Variants in CAMK1 observed in about 807,000 individuals in gnomAD.
CAMK1 encodes the protein calcium/calmodulin dependent protein kinase I.
A neutral mutation model predicts 49.1 loss-of-function variants in CAMK1; 39 were observed. The ratio of observed to expected loss-of-function variants is 0.79; its 90% confidence interval spans 0.62 to 1.04. The LOEUF is 1.04. Ranked by LOEUF, CAMK1 falls within the 50% of genes least tolerant of loss-of-function variation. The pLI is 0.00. For synonymous variants in CAMK1, 192 were observed against 185.2 expected, an observed-to-expected ratio of 1.04 and a Z score of -0.30; for missense variants, 457 against 472.2, an observed-to-expected ratio of 0.97 and a Z score of 0.30.
At chr3:9,766,222 GA>G in intron 2 of CAMK1, 1 of 728,086 alleles carries the variant, frequency 1.4e-6, no homozygotes, top group Non-Finnish European at 2.5e-6. Context: ...GCCTGCTTGG[GA>G]ATGAAATTAA....
chr3:9,757,526 GA>G lies in CAMK1; in HGVS notation c.*12del, dbSNP rs1205019761. The G allele has an allele frequency of 6.2e-7, 1 of 1,609,730 alleles. No individual in the cohort carries two copies. The highest frequency in any genetic ancestry group is 8.5e-7 in the Non-Finnish European group (1 of 1,176,716). ...CCTCCCACGCAGAGGATCATGACCC[GA>G]GGTCCAGGGCCCTAGAGCTGGTGGG... On this transcript the variant is annotated 3_prime_UTR_variant, in exon 12 of 12. Transcript: ENST00000256460. This position sits in a 1 kb window ranked among gnomAD's most constrained non-coding sequence, Gnocchi z 4.5.
intron 2 of CAMK1, among the ~76,000 whole-genome samples, 196 bp downstream of exon 2, chr3:9,767,471 A>G (rs2078185991): frequency 6.6e-6 from 1 of 152,230 alleles, no homozygotes; most frequent in Non-Finnish European, 1.5e-5. Flanking sequence ...TCAAGAACCC[A>G]GGGCTATTGG....
intron 3 of CAMK1, among the ~76,000 whole-genome samples, chr3:9,764,737 A>T (rs867745653): frequency 2.1e-5 from 3 of 146,148 alleles, no homozygotes; most frequent in African/African-American, 7.6e-5. Flanking sequence ...GGTTTAAGCA[A>T]TTCTCCTGCC....
Position 9,761,123 on chromosome 3 carries a change from T to A in CAMK1, c.632+338A>T, listed in dbSNP as rs1395049188. The stretch of plus-strand genomic sequence containing the variant: ...CATCACCCCGTCTCCCTATTCCTGC[T>A]TGGTTTTTCTCCACAGTATTTATTT... On this transcript the variant is annotated intron_variant, in intron 7 of 11. Transcript: ENST00000256460. 4 of 335,454 alleles carry A rather than the reference T, an allele frequency of 1.2e-5. No individual in the cohort carries two copies. The South Asian group carries it at 1.6e-4, about 14-fold the overall frequency. The allele number at this position is 335,454 out of a possible 1,614,324, so 20.8% of individuals were successfully genotyped here. A position where few individuals can be genotyped will look rare whatever the true frequency, so the allele number is the denominator to read the frequency against.
chr3:9,759,448 C>G, intron 10 of CAMK1, 40 bp downstream of exon 10: 1 of 1,613,720 alleles, frequency 6.2e-7, no homozygotes, highest in Non-Finnish European at 8.5e-7. Context: ...GGGGAGGAGT[C>G]CTGGGGAGGC....
At chr3:9,760,444 C>G (rs1475363456) in intron 8 of CAMK1, 1 of 515,062 alleles carries the variant, frequency 1.9e-6, no homozygotes, top group Non-Finnish European at 3.5e-6. Context: ...GAAGATTGAA[C>G]AAATGAATGC....
At chr3:9,764,188 C>G (rs2078027651) in intron 3 of CAMK1, among the ~76,000 whole-genome samples, 1 of 152,182 alleles carries the variant, frequency 6.6e-6, no homozygotes, top group South Asian at 2.1e-4. Context: ...GTAGTACTTC[C>G]CTCAAAGAGT....
At chr3:9,758,046 T>G (rs890750127) in intron 10 of CAMK1, 200 bp from the exon 11 acceptor site, 26 of 704,540 alleles carry the variant, frequency 3.7e-5, no homozygotes, top group Admixed American at 1.3e-4. Context: ...ATATGTTAGA[T>G]GTATGTGTAT....
chr3:9,757,733 A>T lies in CAMK1; in HGVS notation c.1026T>A (p.Ala342=). The T allele has an allele frequency of 6.2e-7, 1 of 1,614,112 alleles. No individual in the cohort carries two copies. Among genetic ancestry groups the T allele is most frequent in the Non-Finnish European group, 8.5e-7 (1 of 1,180,012 alleles). ...TCTGCAGAGCCCGCTCCTCACCCCC[A>T]GCCACTGGTGTCAGCAGCTCCCCAT... The part of the protein sequence containing the change: ...ASHGELLTPV[A]GGPAAGCCCR... Residue 342 remains alanine (A), a synonymous_variant, in exon 11 of 12, where the codon GCT becomes GCA. Coordinates refer to ENST00000256460, the MANE Select transcript of CAMK1 (RefSeq NM_003656.5). This position sits in a 1 kb window ranked among gnomAD's most constrained non-coding sequence, Gnocchi z 4.5.
chr3:9,758,991 C>G, intron 10 of CAMK1: 1 of 602,152 alleles, frequency 1.7e-6, no homozygotes, highest in Non-Finnish European at 3.0e-6. Flanking sequence ...CCTCAGTGCC[C>G]TCAGGATCAA....
chr3:9,763,535 A>G (rs537421436), intron 3 of CAMK1, among the ~76,000 whole-genome samples: 1 of 152,232 alleles, frequency 6.6e-6, no homozygotes, highest in East Asian at 1.9e-4. Flanking sequence ...CTAGCTTACC[A>G]TGGTTTATTA....
intron 10 of CAMK1, 32 bp downstream of exon 10, chr3:9,759,456 G>A (rs2077741381): frequency 6.2e-7 from 1 of 1,613,880 alleles, no homozygotes; most frequent in South Asian, 1.1e-5. Flanking sequence ...GTCCTGGGGA[G>A]GCTGGGACCA....
Position 9,763,261 on chromosome 3 carries a change from T to G in CAMK1, c.216-48A>C, listed in dbSNP as rs1292764216. 6 of 1,611,902 alleles carry G rather than the reference T, an allele frequency of 3.7e-6. No homozygotes were observed. In the South Asian group the frequency reaches 5.5e-5, roughly 15 times the overall value. On this transcript the variant is annotated intron_variant, in intron 3 of 11. Coordinates refer to ENST00000256460, the MANE Select transcript of CAMK1 (RefSeq NM_003656.5). The stretch of plus-strand genomic sequence containing the variant: ...TTAGCCAGGCATGGCGGTGTGCACC[T>G]GTAGTCCAAGCTACTTGGGAACTTG...
chr3:9,757,850 G>C lies in CAMK1; in HGVS notation c.913-4C>G. The C allele has an allele frequency of 6.3e-7, 1 of 1,596,904 alleles. No homozygotes were observed. Among genetic ancestry groups the C allele is most frequent in the Non-Finnish European group, 8.6e-7 (1 of 1,166,904 alleles). ...CAGCCGTGGCATTGAAGGCTTGCTG[G>C]CATTGAAGGCATTGAAGGGAGAGGG... On this transcript the variant is annotated splice_region_variant and splice_polypyrimidine_tract_variant and intron_variant, in intron 10 of 11. Coordinates refer to ENST00000256460, the MANE Select transcript of CAMK1 (RefSeq NM_003656.5). This position sits in a 1 kb window ranked among gnomAD's most constrained non-coding sequence, Gnocchi z 4.5.
rs372661748 is a variant in CAMK1 at position 9,758,031 on chromosome 3, C to T, written c.913-185G>A. 8.4e-5 allele frequency: 70 copies of T among 829,208 alleles called. 1 individual carries two copies. Among genetic ancestry groups the T allele is most frequent in the Middle Eastern group, 7.3e-4 (2 of 2,730 alleles). 51.4% of individuals were successfully genotyped at this position (829,208 alleles called of 1,614,324 possible). ...TTTATTATATATTTACACACACACA[C>T]GCACATATGTTAGATGTATGTGTAT... On this transcript the variant is annotated intron_variant, in intron 10 of 11. Coordinates refer to ENST00000256460, the MANE Select transcript of CAMK1 (RefSeq NM_003656.5).
At chr3:9,764,921 T>C (rs906400607) in intron 3 of CAMK1, among the ~76,000 whole-genome samples, 1 of 152,134 alleles carries the variant, frequency 6.6e-6, no homozygotes, top group Non-Finnish European at 1.5e-5. Context: ...ATCCCTGTCC[T>C]CTCTGGGTCT....
chr3:9,768,934 C>T (rs1203117894), intron 1 of CAMK1, among the ~76,000 whole-genome samples: 1 of 152,018 alleles, frequency 6.6e-6, no homozygotes, highest in Non-Finnish European at 1.5e-5. Context: ...GTCTGAAACC[C>T]ACATGGAGGC....
intron 7 of CAMK1, 199 bp downstream of exon 7, chr3:9,761,262 A>G (rs2077854502): frequency 3.4e-6 from 2 of 581,276 alleles, no homozygotes; most frequent in Non-Finnish European, 5.9e-6. Context: ...GTGCTGTGCT[A>G]AATTTACCCC....
At position 9,757,491 on chromosome 3, in the gene CAMK1, G is replaced by A. The variant is rs1559691160; in HGVS notation, c.*48C>T. The A allele has an allele frequency of 1.2e-6, 2 of 1,603,516 alleles. No individual in the cohort carries two copies. Among genetic ancestry groups the A allele is most frequent in the Admixed American group, 1.7e-5 (1 of 59,556 alleles). On this transcript the variant is annotated 3_prime_UTR_variant, in exon 12 of 12. Coordinates refer to ENST00000256460, the MANE Select transcript of CAMK1 (RefSeq NM_003656.5). The surrounding 1 kb of genome is among the most constrained non-coding windows in gnomAD (Gnocchi z 4.5). ...TTCAGGGAGGGAAGGGGAGCAGGCT[G>A]CCCCCAAGCCCTCCCACGCAGAGGA...
Sources: gnomAD v4.1 joint callset for allele counts (sites outside exome capture counted in the v4.1 genomes callset) on GRCh38, gnomAD v4.1.1 for gene constraint, Gnocchi (gnomAD v3.1) non-coding constraint, MANE v1.5 for transcripts, NCBI Gene and HGNC (gene_info 2026-07-23, HGNC 2026-07-21) for gene names.